Variants in TDRD5 observed in about 807,000 individuals in gnomAD.
TDRD5 encodes tudor domain-containing protein 5.
Under a neutral mutation model 120.6 loss-of-function variants are expected in TDRD5, and 41 were observed. That is an observed-to-expected ratio of 0.34 (90% CI 0.26 to 0.44). The LOEUF (loss-of-function observed/expected upper bound fraction) is 0.44. Ranked by LOEUF, TDRD5 falls within the 20% of genes least tolerant of loss-of-function variation. TDRD5 has a pLI of 1.00. For synonymous variants in TDRD5, 430 were observed against 433.7 expected, an observed-to-expected ratio of 0.99 and a Z score of 0.11; for missense variants, 1,006 against 1,221.2, an observed-to-expected ratio of 0.82 and a Z score of 2.63.
intron 3 of TDRD5, among the ~76,000 whole-genome samples, 188 bp from the exon 4 acceptor site, chr1:179,595,440 A>G (rs1474572378): frequency 6.6e-6 from 1 of 152,198 alleles, no homozygotes; most frequent in Non-Finnish European, 1.5e-5. Flanking sequence ...GTCTTCCTCT[A>G]TGGATGACTA....
At chr1:179,658,635 A>G (rs772402087) in intron 14 of TDRD5, among the ~76,000 whole-genome samples, 4 of 152,076 alleles carry the variant, frequency 2.6e-5, no homozygotes, top group Non-Finnish European at 4.4e-5. Flanking sequence ...ATAATCTCCT[A>G]TTACATTTCT....
At chr1:179,651,904 C>A in intron 12 of TDRD5, 135 bp from the exon 13 acceptor site, 3 of 989,652 alleles carry the variant, frequency 3.0e-6, no homozygotes, top group Non-Finnish European at 4.4e-6. Flanking sequence ...CAGAGCGAGA[C>A]TCCATCTCGA....
In TDRD5 at chr1:179,636,656, C is replaced by T. The variant is rs536542649; in HGVS notation, c.1520+769C>T. ...TAGTTTGCTGAATTATGCAGATCTT[C>T]CAAATGTTGACACATTTCATTATGC... On this transcript the variant is annotated intron_variant, in intron 9 of 17. Coordinates refer to ENST00000444136, the MANE Select transcript of TDRD5 (RefSeq NM_001199085.3). 5.9e-5 allele frequency among the ~76,000 whole-genome samples: 9 copies of T among 152,322 alleles called. No individual in the cohort carries two copies. The South Asian group carries it at 1.2e-3, about 21-fold the overall frequency.
chr1:179,600,952 G>A (rs1172296117), intron 4 of TDRD5, among the ~76,000 whole-genome samples: 2 of 151,918 alleles, frequency 1.3e-5, no homozygotes, highest in Non-Finnish European at 2.9e-5. Flanking sequence ...GTTTCTGTTC[G>A]AATTTCATTG....
rs935279573 is a variant in TDRD5, at chr1:179,683,459, C to A, written c.2861-7237C>A. Reference sequence around the variant, plus strand: ...TCACATTATTTAATTAAAAATTATTCTTTTTCCTCTCTAATAGACACTATA... The same window carrying A: ...TCACATTATTTAATTAAAAATTATTATTTTTCCTCTCTAATAGACACTATA... On this transcript the variant is annotated intron_variant, in intron 17 of 17. Coordinates refer to ENST00000444136, the MANE Select transcript of TDRD5 (RefSeq NM_001199085.3). Among the ~76,000 whole-genome samples, 11 of 152,276 alleles carry A rather than the reference C, an allele frequency of 7.2e-5. 1 individual carries two copies. The highest frequency in any genetic ancestry group is 3.4e-3 in the Middle Eastern group (1 of 294).
intron 6 of TDRD5, among the ~76,000 whole-genome samples, chr1:179,622,971 T>C (rs1239036076): frequency 6.6e-6 from 1 of 151,974 alleles, no homozygotes; most frequent in African/African-American, 2.4e-5. Flanking sequence ...AAACCAAATA[T>C]AAGTAGAAAA....
chr1:179,658,910 C>A (rs577979103), intron 14 of TDRD5, among the ~76,000 whole-genome samples: 1 of 152,132 alleles, frequency 6.6e-6, no homozygotes, highest in East Asian at 1.9e-4. Flanking sequence ...TGAGTCTCTA[C>A]ATATCACTTT....
intron 14 of TDRD5, 44 bp from the exon 15 acceptor site, chr1:179,662,060 G>T: frequency 6.8e-7 from 1 of 1,481,318 alleles, no homozygotes; most frequent in Non-Finnish European, 8.9e-7. Context: ...GCTCATATAG[G>T]AACTATAAAT....
chr1:179,630,264 T>C (rs1677362031), intron 6 of TDRD5, among the ~76,000 whole-genome samples: 1 of 152,244 alleles, frequency 6.6e-6, no homozygotes, highest in African/African-American at 2.4e-5. Context: ...CCCAAAGTGC[T>C]GGGATTACAG....
At chr1:179,640,166 CCTT>C (rs1319511052) in intron 10 of TDRD5, 115 bp downstream of exon 10, 6 of 1,213,876 alleles carry the variant, frequency 4.9e-6, no homozygotes, top group Non-Finnish European at 7.0e-6. Context: ...ATCCTTCCTT[CCTT>C]CTTCTTAGTG....
rs1558420170 is a variant in TDRD5 at position 179,669,295 on chromosome 1, G to C, written c.2751G>C (p.Gln917His). The C allele has an allele frequency of 6.2e-7, 1 of 1,614,192 alleles. No individual in the cohort carries two copies. Among genetic ancestry groups the C allele is most frequent in the Non-Finnish European group, 8.5e-7 (1 of 1,180,024 alleles). Residue 917 changes from glutamine (Q) to histidine (H), a missense_variant, in exon 17 of 18, where the codon CAG (glutamine) becomes CAC (histidine). Transcript: ENST00000444136. ...CAGAGCAGTCAGCAGACGGGAGCCA[G>C]TCTGAACCCAACAACAGTCAGACTC... ...TQSEQSADGS[Q>H]SEPNNSQTQP...
chr1:179,628,416 A>C (rs1572366681), intron 6 of TDRD5, among the ~76,000 whole-genome samples: 1 of 137,394 alleles, frequency 7.3e-6, no homozygotes, highest in Non-Finnish European at 1.5e-5. Flanking sequence ...CTGCAGCCTC[A>C]GCCTCCCAAG....
chr1:179,622,360 A>C (rs1676886020), intron 6 of TDRD5, among the ~76,000 whole-genome samples: 1 of 152,204 alleles, frequency 6.6e-6, no homozygotes, highest in Non-Finnish European at 1.5e-5. Flanking sequence ...TCTACAATAC[A>C]TCTATCATGA....
intron 17 of TDRD5, among the ~76,000 whole-genome samples, chr1:179,669,784 T>A (rs1175141335): frequency 6.6e-6 from 1 of 152,240 alleles, no homozygotes; most frequent in East Asian, 1.9e-4. Flanking sequence ...TCCCATTGCC[T>A]ACTTGCCTCT....
intron 5 of TDRD5, among the ~76,000 whole-genome samples, chr1:179,619,857 G>T (rs914146589): frequency 1.3e-5 from 2 of 152,066 alleles, no homozygotes; most frequent in Non-Finnish European, 2.9e-5. Context: ...CTGGCCTTAG[G>T]CATTCCCCCA....
chr1:179,601,246 G>GT (rs989021705), intron 4 of TDRD5, among the ~76,000 whole-genome samples: 11 of 152,106 alleles, frequency 7.2e-5, no homozygotes, highest in Admixed American at 6.5e-4. Flanking sequence ...TGGCTATTTT[G>GT]TTTTTTGGGT....
intron 4 of TDRD5, among the ~76,000 whole-genome samples, chr1:179,615,990 G>A (rs1676546579): frequency 6.6e-6 from 1 of 152,006 alleles, no homozygotes; most frequent in South Asian, 2.1e-4. Context: ...AGTGAATATG[G>A]CTGTGTTCTA....
chr1:179,596,606 T>G (rs773491978), intron 4 of TDRD5, among the ~76,000 whole-genome samples: 1 of 152,234 alleles, frequency 6.6e-6, no homozygotes, highest in Non-Finnish European at 1.5e-5. Flanking sequence ...TTTAACTTAG[T>G]AGAATACTTC....
At position 179,640,430 on chromosome 1, in the gene TDRD5, G is replaced by C; in HGVS notation, c.1785G>C (p.Trp595Cys). 1 of 1,614,038 alleles carries C rather than the reference G, an allele frequency of 6.2e-7. No homozygotes were observed. The highest frequency in any genetic ancestry group is 8.5e-7 in the Non-Finnish European group (1 of 1,179,976). Residue 595 changes from tryptophan to cysteine, a missense_variant, in exon 11 of 18, where the codon TGG (tryptophan) becomes TGC (cysteine). By Grantham distance (215) the Trp-to-Cys change is radical. This residue lies in a region of TDRD5 where 158 missense variants were observed against 257.5 expected (regional missense o/e 0.61). Transcript: ENST00000444136. ...PAQAIPCSLAWVRPVEEHWTS... is the reference protein window; with the variant it reads ...PAQAIPCSLACVRPVEEHWTS... ...AGGCTATCCCTTGTTCTTTGGCTTG[G>C]GTGAGACCAGTAGAGGTATGTTTGC...
Sources: gnomAD v4.1 joint callset for allele counts (sites outside exome capture counted in the v4.1 genomes callset) on GRCh38, gnomAD v4.1.1 for gene constraint, gnomAD v4.1.1 regional missense constraint, MANE v1.5 for transcripts, NCBI Gene and HGNC (gene_info 2026-07-23, HGNC 2026-07-21) for gene names.